SFXN5: variants seen among roughly 807,000 people sequenced by gnomAD.
The protein encoded by SFXN5 is sideroflexin-5.
A neutral mutation model predicts 50.2 loss-of-function variants in SFXN5; 43 were observed. The observed-to-expected ratio is 0.86, with a 90% confidence interval of 0.67 to 1.11. SFXN5 has a LOEUF of 1.11. SFXN5 is among the 50% of genes least tolerant of loss of function. The pLI, the probability that SFXN5 is intolerant of heterozygous loss-of-function variation, is 0.00. For synonymous variants in SFXN5, 203 were observed against 185.8 expected (o/e 1.09, Z -0.75); for missense variants, 463 against 454.1 (o/e 1.02, Z -0.18).
Position 73,071,625 on chromosome 2 carries a change from C to T in SFXN5, c.81G>A (p.Leu27=), listed in dbSNP as rs1462062814. The change falls in exon 1 of 14, where the codon CTG becomes CTA. Residue 27 remains leucine (L), a synonymous_variant. Coordinates refer to ENST00000272433, the MANE Select transcript of SFXN5 (RefSeq NM_144579.3). ...TCACCTGCTGGAAGCGGGGTTTGCC[C>T]AGTTGGAAAGGAGGTGCATCGCTCG... ...SASSDAPPFQ[L]GKPRFQQTSF... 4 of 1,613,822 alleles carry T rather than the reference C, an allele frequency of 2.5e-6. No homozygotes were observed. The East Asian group carries it at 6.7e-5, about 27-fold the overall frequency.
At chr2:73,025,897 G>T (rs1574153757) in intron 3 of SFXN5, among the ~76,000 whole-genome samples, 1 of 152,298 alleles carries the variant, frequency 6.6e-6, no homozygotes, top group East Asian at 1.9e-4. Flanking sequence ...GCCCAGACAT[G>T]GTCACAGGCA....
At chr2:73,071,303 G>C (rs1683585024) in intron 1 of SFXN5, 1 of 412,438 alleles carries the variant, frequency 2.4e-6, no homozygotes, top group Admixed American at 4.4e-5. Flanking sequence ...GGGCGCTCGG[G>C]ACCTTGACCG....
At chr2:73,063,344 G>C (rs13404068) in intron 1 of SFXN5, among the ~76,000 whole-genome samples, 21,888 of 152,000 alleles carry the variant, frequency 0.14, 1,901 homozygotes, top group East Asian at 0.41. Flanking sequence ...ACTCAACAAA[G>C]AAAAGCACCA....
chr2:73,055,671 C>T (rs1399189540), intron 2 of SFXN5, among the ~76,000 whole-genome samples: 1 of 150,330 alleles, frequency 6.7e-6, no homozygotes, highest in Non-Finnish European at 1.5e-5. Flanking sequence ...GATCTCAGCA[C>T]AATGGCACGA....
In SFXN5 at chr2:72,953,587, A is replaced by G. The variant is rs958623774; in HGVS notation, c.945+7544T>C. 7.9e-5 allele frequency among the ~76,000 whole-genome samples: 12 copies of G among 152,168 alleles called. No homozygotes were observed. Among genetic ancestry groups the G allele is most frequent in the Admixed American group, 2.0e-4 (3 of 15,284 alleles). On this transcript the variant is annotated intron_variant, in intron 13 of 13. Transcript: ENST00000272433. This position sits in a 1 kb window ranked among gnomAD's most constrained non-coding sequence, Gnocchi z 4.1. ...GGCACCAGTTCTCTGCCACAGGGAC[A>G]CCTTGTGTCATGGAAGGGAGAAAGG...
At chr2:73,071,475 C>A (rs975527500) in intron 1 of SFXN5, 129 bp downstream of exon 1, 15 of 784,396 alleles carry the variant, frequency 1.9e-5, no homozygotes, top group South Asian at 1.8e-4. Flanking sequence ...GAGGTTCCCC[C>A]CCTGGCGCTA....
chr2:73,022,876 C>T (rs1254025713), intron 4 of SFXN5, among the ~76,000 whole-genome samples: 3 of 152,196 alleles, frequency 2.0e-5, no homozygotes, highest in Non-Finnish European at 2.9e-5. Context: ...GGAACGGGAT[C>T]GTGTCTACCT....
chr2:73,002,760 C>T (rs1256809702), intron 6 of SFXN5, among the ~76,000 whole-genome samples: 5 of 152,046 alleles, frequency 3.3e-5, no homozygotes, highest in East Asian at 3.8e-4. Context: ...ATAGCTCCAA[C>T]GAGGAATTAT....
Position 72,994,429 on chromosome 2 carries a change from C to G in SFXN5, c.534+4520G>C, listed in dbSNP as rs568840773. Among the ~76,000 whole-genome samples the G allele has an allele frequency of 2.0e-5, 3 of 152,250 alleles. No homozygotes were observed. In the East Asian group the frequency reaches 5.8e-4, roughly 29 times the overall value. On this transcript the variant is annotated intron_variant, in intron 9 of 13. Transcript: ENST00000272433. ...AGTGAAGGTTAACAGCCACTGCATC[C>G]TACACAGAAGGGACCCCCCAGGGCC...
chr2:73,055,896 C>T (rs1373944069), intron 2 of SFXN5, among the ~76,000 whole-genome samples: 3 of 152,172 alleles, frequency 2.0e-5, no homozygotes, highest in African/African-American at 7.2e-5. Context: ...GGATTACAGG[C>T]GTCGGCCACC....
intron 3 of SFXN5, among the ~76,000 whole-genome samples, chr2:73,038,815 T>A (rs1020752355): frequency 6.6e-6 from 1 of 152,246 alleles, no homozygotes; most frequent in African/African-American, 2.4e-5. Flanking sequence ...AACTTTTTTT[T>A]AACTATTTAA....
intron 6 of SFXN5, among the ~76,000 whole-genome samples, chr2:73,005,277 C>T (rs371980450): frequency 2.0e-4 from 31 of 152,340 alleles, no homozygotes; most frequent in East Asian, 1.5e-3. Flanking sequence ...TCCCCTCTGC[C>T]GCTCCAGCCC....
At position 72,973,812 on chromosome 2, in the gene SFXN5, G is replaced by C. The variant is rs1670307198; in HGVS notation, c.626-2127C>G. Among the ~76,000 whole-genome samples, 1 of 152,184 alleles carries C rather than the reference G, an allele frequency of 6.6e-6. No homozygotes were observed. Among genetic ancestry groups the C allele is most frequent in the South Asian group, 2.1e-4 (1 of 4,830 alleles). On this transcript the variant is annotated intron_variant, in intron 10 of 13. Transcript: ENST00000272433. The surrounding 1 kb of genome is among the most constrained non-coding windows in gnomAD (Gnocchi z 5.5). ...CCTCTAGTGGCCTTAGGGAGGCTAT[G>C]CATCCCCCATGCCCTTGGAGCTGCC...
chr2:73,067,049 TA>T (rs71916818), intron 1 of SFXN5, among the ~76,000 whole-genome samples: 47,459 of 150,712 alleles, frequency 0.31, 10,341 homozygotes, highest in African/African-American at 0.6. Flanking sequence ...ACCCTGTCTC[TA>T]AAAAAAAAGA....
chr2:72,999,036 T>C (rs1673595089), intron 8 of SFXN5, 22 bp from the exon 9 acceptor site: 1 of 1,613,510 alleles, frequency 6.2e-7, no homozygotes, highest in South Asian at 1.1e-5. Context: ...AGGCAGAATT[T>C]CAGGCCTGCT....
At chr2:72,982,755 GA>G (rs1671470675) in intron 10 of SFXN5, among the ~76,000 whole-genome samples, 3 of 152,226 alleles carry the variant, frequency 2.0e-5, no homozygotes, top group African/African-American at 7.2e-5. Flanking sequence ...AGGGAGGGCA[GA>G]GGGTGCTTGA....
Position 73,020,240 on chromosome 2 carries a change from A to G in SFXN5, c.356T>C (p.Ile119Thr), listed in dbSNP as rs773458841. ...AAATCCTTTGAAGGTAACACTTACA[A>G]TTGGCGTCCCAAAAGGAATATAACC... is the stretch of plus-strand genomic sequence containing the variant. ...MSGYIPFGTP[I>T]VVGLLLPNQT... Residue 119 changes from isoleucine (I) to threonine (T), a missense_variant and splice_region_variant, in exon 6 of 14, where the codon ATT (isoleucine) becomes ACT (threonine). Transcript: ENST00000272433. 4 of 1,614,034 alleles carry G rather than the reference A, an allele frequency of 2.5e-6. No homozygotes were observed. The highest frequency in any genetic ancestry group is 3.4e-6 in the Non-Finnish European group (4 of 1,179,910).
intron 13 of SFXN5, among the ~76,000 whole-genome samples, chr2:72,957,746 G>A (rs563509609): frequency 2.0e-5 from 3 of 152,314 alleles, no homozygotes; most frequent in South Asian, 2.1e-4. Flanking sequence ...AGGCCCTCTC[G>A]GCAAGTTGGC....
At chr2:73,057,722 G>A (rs145617260) in intron 2 of SFXN5, among the ~76,000 whole-genome samples, 65 of 152,266 alleles carry the variant, frequency 4.3e-4, no homozygotes, top group African/African-American at 1.4e-3. Context: ...GTTGAGAGAG[G>A]ACATGGTGGG....
Sources: allele counts gnomAD v4.1 joint callset (sites outside exome capture counted in the v4.1 genomes callset), GRCh38; gene constraint gnomAD v4.1.1; non-coding constraint Gnocchi (gnomAD v3.1); transcripts MANE v1.5; gene names NCBI Gene and HGNC (gene_info 2026-07-23, HGNC 2026-07-21).